Variants in THSD7A observed in about 807,000 individuals in gnomAD.
THSD7A encodes thrombospondin type 1 domain containing 7A, also known as thrombospondin type-1 domain-containing protein 7A.
In THSD7A, 96 loss-of-function variants were observed where a neutral mutation model predicts 231.3. The observed-to-expected ratio is 0.41, with a 90% CI of 0.35 to 0.49. The LOEUF (loss-of-function observed/expected upper bound fraction) is 0.49, where lower values mean the gene tolerates loss of function less well. THSD7A is among the 20% of genes least tolerant of loss of function. The pLI is 0.05. For missense variants in THSD7A, 2,290 were observed against 2,070.2 expected (o/e 1.11, Z -2.06); for synonymous variants, 940 against 743.3 (o/e 1.26, Z -4.30).
At chr7:11,554,195 T>C (rs1348930775) in intron 4 of THSD7A, among the ~76,000 whole-genome samples, 1 of 152,006 alleles carries the variant, frequency 6.6e-6, no homozygotes, top group Non-Finnish European at 1.5e-5. Flanking sequence ...TATTCAGAAA[T>C]AAGGCCTTTG....
chr7:11,476,798 G>T (rs1028316150), intron 7 of THSD7A, among the ~76,000 whole-genome samples: 1 of 142,720 alleles, frequency 7.0e-6, no homozygotes, highest in Non-Finnish European at 1.5e-5. Flanking sequence ...CTGGTCAACA[G>T]AGAGAGACTC....
chr7:11,614,855 G>T (rs1051959530), intron 2 of THSD7A, among the ~76,000 whole-genome samples: 1 of 152,182 alleles, frequency 6.6e-6, no homozygotes, highest in South Asian at 2.1e-4. Context: ...AAGAAGAGAT[G>T]AAGTGCAGTG....
At chr7:11,558,940 G>A (rs1789962220) in intron 4 of THSD7A, among the ~76,000 whole-genome samples, 2 of 151,978 alleles carry the variant, frequency 1.3e-5, no homozygotes, top group Non-Finnish European at 2.9e-5. Context: ...TACTTAAAAG[G>A]AGAGAAGCTT....
In THSD7A at chr7:11,590,197, G is replaced by C. The variant is rs1429397657; in HGVS notation, c.1453+263C>G. On this transcript the variant is annotated intron_variant, in intron 4 of 27. Coordinates refer to ENST00000423059, the MANE Select transcript of THSD7A (RefSeq NM_015204.3). This position sits in a 1 kb window ranked among gnomAD's most constrained non-coding sequence, Gnocchi z 4.4. The stretch of plus-strand genomic sequence containing the variant: ...TTTTACATTATTCCTGCTAAACTTT[G>C]ATGAAGAGGTTGAGTCAAGAAGGCC... Among the ~76,000 whole-genome samples, 2 of 152,080 alleles carry C rather than the reference G, an allele frequency of 1.3e-5. No homozygotes were observed. Among genetic ancestry groups the C allele is most frequent in the Admixed American group, 6.5e-5 (1 of 15,270 alleles).
intron 2 of THSD7A, among the ~76,000 whole-genome samples, chr7:11,611,930 C>A (rs953511285): frequency 6.6e-6 from 1 of 151,224 alleles, no homozygotes; most frequent in East Asian, 1.9e-4. Context: ...TAACTGAGAC[C>A]CAGAAATATC....
rs535186149 is a variant in THSD7A, at chr7:11,526,953, CA to C, written c.1822+14465del. ...TCTCTATTGCACTCACCTTATACAGCAAGCACAATAAATGTGAAATGAAAGA... is the reference window on the plus strand; with the variant it reads ...TCTCTATTGCACTCACCTTATACAGCAGCACAATAAATGTGAAATGAAAGA... On this transcript the variant is annotated intron_variant, in intron 6 of 27. Coordinates refer to ENST00000423059, the MANE Select transcript of THSD7A (RefSeq NM_015204.3). 3.5e-3 allele frequency among the ~76,000 whole-genome samples: 532 copies of C among 152,258 alleles called. 1 individual carries two copies. Among genetic ancestry groups the C allele is most frequent in the African/African-American group, 0.012 (511 of 41,550 alleles).
chr7:11,593,229 G>A (rs541770911), intron 3 of THSD7A, 25 bp downstream of exon 3: 15 of 1,611,732 alleles, frequency 9.3e-6, no homozygotes, highest in Middle Eastern at 1.7e-4. Flanking sequence ...TTCGGCAGAC[G>A]CTATACCCTT....
chr7:11,401,655 G>A lies in THSD7A; in HGVS notation c.4411+140C>T, dbSNP rs150385888. The stretch of plus-strand genomic sequence containing the variant: ...CACAACTCCTGGCCTCAGGTGATCC[G>A]CCCACCTAGGCCTCCCAAAGCGTTG... On this transcript the variant is annotated intron_variant, in intron 23 of 27. Transcript: ENST00000423059. 3.9e-4 allele frequency: 266 copies of A among 685,500 alleles called. 1 individual carries two copies. The African/African-American group carries it at 4.3e-3, about 11-fold the overall frequency. The allele number at this position is 685,500 out of a possible 1,614,324, so 42.5% of individuals were successfully genotyped here.
At chr7:11,739,704 A>T (rs757793952) in intron 1 of THSD7A, among the ~76,000 whole-genome samples, 3 of 151,908 alleles carry the variant, frequency 2.0e-5, no homozygotes, top group Non-Finnish European at 4.4e-5. Context: ...GATAGGCATG[A>T]ACCACAGCAC....
At chr7:11,756,148 TTCTC>T (rs1166741962) in intron 1 of THSD7A, among the ~76,000 whole-genome samples, 1 of 152,112 alleles carries the variant, frequency 6.6e-6, no homozygotes, top group Admixed American at 6.6e-5. Flanking sequence ...CTTTTATACT[TTCTC>T]TTTCTGTCCC....
At chr7:11,574,585 C>T (rs1352720100) in intron 4 of THSD7A, among the ~76,000 whole-genome samples, 6 of 151,632 alleles carry the variant, frequency 4.0e-5, no homozygotes, top group African/African-American at 1.5e-4. Context: ...CAGGCGCCCA[C>T]CACCACGCCC....
At chr7:11,435,255 A>G (rs1245824848) in intron 13 of THSD7A, among the ~76,000 whole-genome samples, 1 of 152,108 alleles carries the variant, frequency 6.6e-6, no homozygotes, top group Non-Finnish European at 1.5e-5. Flanking sequence ...CTTGTATAAT[A>G]AAGAATTTGC....
In THSD7A at chr7:11,780,237, G is replaced by A. The variant is rs569295971; in HGVS notation, c.190+51520C>T. On this transcript the variant is annotated intron_variant, in intron 1 of 27. Transcript: ENST00000423059. ...TCATGATCTGATTTCCTCCCAATGG[G>A]CCCACCTTTTAATACCATCACATTA... 6.6e-5 allele frequency among the ~76,000 whole-genome samples: 10 copies of A among 152,134 alleles called. 1 individual carries two copies. The highest frequency in any genetic ancestry group is 4.6e-4 in the Admixed American group (7 of 15,282).
intron 1 of THSD7A, chr7:11,820,699 A>G (rs940922384): frequency 1.2e-5 from 11 of 934,602 alleles, no homozygotes; most frequent in Non-Finnish European, 1.8e-5. Context: ...TCGATGTCTC[A>G]AAGCCCGTGG....
chr7:11,588,012 A>G (rs1779985534), intron 4 of THSD7A, among the ~76,000 whole-genome samples: 1 of 151,994 alleles, frequency 6.6e-6, no homozygotes, highest in African/African-American at 2.4e-5. Context: ...CTTTAAGTAA[A>G]ACTGAGTTGT....
At chr7:11,399,061 G>T (rs1783300665) in intron 23 of THSD7A, among the ~76,000 whole-genome samples, 1 of 152,130 alleles carries the variant, frequency 6.6e-6, no homozygotes, top group Non-Finnish European at 1.5e-5. Flanking sequence ...CCTTCCAAAA[G>T]GGTTTTGTGG....
At chr7:11,469,079 T>G (rs1443445947) in intron 9 of THSD7A, among the ~76,000 whole-genome samples, 2 of 152,094 alleles carry the variant, frequency 1.3e-5, no homozygotes, top group Non-Finnish European at 2.9e-5. Context: ...CTTAATTGAA[T>G]CTCTCTAGTA....
At chr7:11,730,161 T>C (rs577843334) in intron 1 of THSD7A, among the ~76,000 whole-genome samples, 1 of 151,794 alleles carries the variant, frequency 6.6e-6, no homozygotes, top group Non-Finnish European at 1.5e-5. Flanking sequence ...TGCACCAAAA[T>C]TTAACTGAAC....
chr7:11,440,467 T>C (rs1019452063), intron 13 of THSD7A, among the ~76,000 whole-genome samples: 10 of 152,008 alleles, frequency 6.6e-5, no homozygotes, highest in African/African-American at 2.2e-4. Context: ...GCAAAGTATA[T>C]TGAAAACCTC....
Sources: gnomAD v4.1 joint callset for allele counts (sites outside exome capture counted in the v4.1 genomes callset) on GRCh38, gnomAD v4.1.1 for gene constraint, Gnocchi (gnomAD v3.1) non-coding constraint, MANE v1.5 for transcripts, NCBI Gene and HGNC (gene_info 2026-07-23, HGNC 2026-07-21) for gene names.